Variants in RABGAP1 observed in about 807,000 individuals in gnomAD.
RABGAP1 encodes RAB GTPase activating protein 1, also known as rab GTPase-activating protein 1.
In RABGAP1, 23 loss-of-function variants were observed where a neutral mutation model predicts 137.6. The observed-to-expected ratio is 0.17, with a 90% CI of 0.12 to 0.24. The LOEUF is 0.24. Ranked by LOEUF, RABGAP1 falls within the 10% of genes least tolerant of loss-of-function variation. The pLI is 1.00. For synonymous variants in RABGAP1, 451 were observed against 450.7 expected (o/e 1.00, Z -0.01); for missense variants, 906 against 1,275.8 (o/e 0.71, Z 4.42).
chr9:122,969,710 A>T (rs916995468), intron 2 of RABGAP1, among the ~76,000 whole-genome samples: 2 of 146,092 alleles, frequency 1.4e-5, no homozygotes, highest in Admixed American at 7.0e-5. Context: ...TTGCCATTTC[A>T]ATGTGGTATA....
intron 13 of RABGAP1, chr9:123,034,325 A>C (rs889197091): frequency 1.9e-6 from 1 of 539,572 alleles, no homozygotes; most frequent in Non-Finnish European, 3.2e-6. Context: ...ACCTGGCACT[A>C]TGGCCGCGTC....
chr9:122,934,371 C>T, the RABGAP1 span, among the ~76,000 whole-genome samples: 1 of 152,222 alleles, frequency 6.6e-6, no homozygotes, highest in Non-Finnish European at 1.5e-5. Context: ...AGCCACCACG[C>T]CCGGCCTCTA....
chr9:123,026,843 A>G (rs1282299853), intron 13 of RABGAP1, among the ~76,000 whole-genome samples: 1 of 152,216 alleles, frequency 6.6e-6, no homozygotes, highest in African/African-American at 2.4e-5. Context: ...TTAGCTTCTT[A>G]TAATTCAGTG....
chr9:123,053,604 T>G (rs1463680326), intron 13 of RABGAP1, among the ~76,000 whole-genome samples: 1 of 152,190 alleles, frequency 6.6e-6, no homozygotes, highest in South Asian at 2.1e-4. Context: ...TGAAGTATAT[T>G]GTAAAGATAG....
At chr9:123,093,625 A>G (rs1393393499) in intron 21 of RABGAP1, among the ~76,000 whole-genome samples, 1 of 152,092 alleles carries the variant, frequency 6.6e-6, no homozygotes, top group Non-Finnish European at 1.5e-5. Context: ...TTGACCCTAA[A>G]TTGGCGGGTT....
At chr9:122,989,544 T>C (rs1187876595) in intron 5 of RABGAP1, 73 bp downstream of exon 5, 2 of 1,463,582 alleles carry the variant, frequency 1.4e-6, no homozygotes, top group Non-Finnish European at 1.9e-6. Context: ...ATGATTATGG[T>C]ATTTATTATG....
chr9:123,036,989 G>A (rs2032698796), intron 13 of RABGAP1, among the ~76,000 whole-genome samples: 1 of 152,138 alleles, frequency 6.6e-6, no homozygotes, highest in East Asian at 1.9e-4. Context: ...AGGAATTCCG[G>A]CAGCTCCAGG....
At position 123,097,734 on chromosome 9, in the gene RABGAP1, G is replaced by A. The variant is rs2035225114; in HGVS notation, c.2629-7G>A. The A allele has an allele frequency of 6.2e-7, 1 of 1,603,904 alleles. No homozygotes were observed. Among genetic ancestry groups the A allele is most frequent in the Non-Finnish European group, 8.5e-7 (1 of 1,177,258 alleles). The stretch of plus-strand genomic sequence containing the variant: ...TGTTTTGTGACAGCATATCTTAAAT[G>A]TTTCAGGCTGAGGAAAAGGCAGATG... On this transcript the variant is annotated splice_polypyrimidine_tract_variant and splice_region_variant and intron_variant, in intron 21 of 25. Transcript: ENST00000373647.
intron 1 of RABGAP1, among the ~76,000 whole-genome samples, chr9:122,956,699 A>T (rs1480126410): frequency 2.0e-5 from 3 of 151,852 alleles, no homozygotes; most frequent in African/African-American, 7.3e-5. Flanking sequence ...GCTAATACTT[A>T]TATATTTTTG....
chr9:122,958,703 A>T (rs553219125), intron 2 of RABGAP1, among the ~76,000 whole-genome samples: 46 of 152,182 alleles, frequency 3.0e-4, no homozygotes, highest in African/African-American at 9.2e-4. Context: ...TTAAAAAAAA[A>T]TTTTTGTCAA....
rs1185370073 is a variant in RABGAP1 at position 123,056,479 on chromosome 9, TTC to T, written c.1795-8867_1795-8866del. Among the ~76,000 whole-genome samples, 138 of 151,570 alleles carry T rather than the reference TTC, an allele frequency of 9.1e-4. No individual in the cohort carries two copies. The Middle Eastern group carries it at 0.01, about 11-fold the overall frequency. The stretch of plus-strand genomic sequence containing the variant: ...AAACAAGGATTATGCTGTTTCTTTT[TTC>T]TTTTTTTTTTTTTTTTTAATTGATC... On this transcript the variant is annotated intron_variant, in intron 13 of 25. Coordinates refer to ENST00000373647, the MANE Select transcript of RABGAP1 (RefSeq NM_012197.4).
intron 4 of RABGAP1, among the ~76,000 whole-genome samples, chr9:122,988,260 C>G (rs1836469548): frequency 6.6e-6 from 1 of 152,112 alleles, no homozygotes; most frequent in African/African-American, 2.4e-5. Context: ...GTTAGATCCT[C>G]TTCCTAGGTA....
chr9:123,035,655 TG>T (rs2032608873), intron 13 of RABGAP1: 2 of 720,382 alleles, frequency 2.8e-6, no homozygotes, highest in Admixed American at 2.6e-5. Flanking sequence ...TGTGTGTGTG[TG>T]TGTGTGTGTG....
At chr9:122,991,893 T>C (rs1836743069) in intron 6 of RABGAP1, among the ~76,000 whole-genome samples, 1 of 152,104 alleles carries the variant, frequency 6.6e-6, no homozygotes, top group Non-Finnish European at 1.5e-5. Context: ...GAGCCAACCA[T>C]TCCTGACTAT....
chr9:123,020,876 C>T, intron 13 of RABGAP1: 2 of 892,044 alleles, frequency 2.2e-6, no homozygotes, highest in Non-Finnish European at 2.7e-6. Flanking sequence ...TAATCTAAAC[C>T]ATATTCTCTT....
rs56098560 is a variant in RABGAP1, at chr9:123,079,239, GTTTT to G, written c.2424+2492_2424+2495del. Among the ~76,000 whole-genome samples, 38 of 106,694 alleles carry G rather than the reference GTTTT, an allele frequency of 3.6e-4. 1 individual carries two copies. Among genetic ancestry groups the G allele is most frequent in the Non-Finnish European group, 6.6e-4 (30 of 45,238 alleles). The allele number at this position is 106,694 out of a possible 152,430, so 70.0% of individuals were successfully genotyped here. A position where few individuals can be genotyped will look rare whatever the true frequency, so the allele number is the denominator to read the frequency against. Reference sequence around the variant, plus strand: ...TTTTTTTGTTTTTTTGTTTTGTTTTGTTTTTTTTTTTTTTTTTTGAGACAGGGTC... The same window carrying G: ...TTTTTTTGTTTTTTTGTTTTGTTTTGTTTTTTTTTTTTTTGAGACAGGGTC... On this transcript the variant is annotated intron_variant, in intron 19 of 25. Transcript: ENST00000373647.
chr9:122,981,910 G>A (rs1021044724), intron 2 of RABGAP1, among the ~76,000 whole-genome samples: 1 of 152,124 alleles, frequency 6.6e-6, no homozygotes, highest in Non-Finnish European at 1.5e-5. Flanking sequence ...CTAGCTGGGT[G>A]TGTTGGCACG....
chr9:122,961,124 A>G (rs1244563873), intron 2 of RABGAP1, among the ~76,000 whole-genome samples: 1 of 152,196 alleles, frequency 6.6e-6, no homozygotes, highest in Non-Finnish European at 1.5e-5. Flanking sequence ...ATAATGTCCA[A>G]AAACATCCCA....
intron 8 of RABGAP1, chr9:122,996,927 A>G (rs1441796969): frequency 8.1e-6 from 4 of 495,018 alleles, no homozygotes; most frequent in Non-Finnish European, 1.5e-5. Flanking sequence ...CAATAGTAGG[A>G]GTTATTAGTA....
Sources: gnomAD v4.1 joint callset for allele counts (sites outside exome capture counted in the v4.1 genomes callset) on GRCh38, gnomAD v4.1.1 for gene constraint, MANE v1.5 for transcripts, NCBI Gene and HGNC (gene_info 2026-07-23, HGNC 2026-07-21) for gene names.